Variants in INO80 observed in about 807,000 individuals in gnomAD.
INO80 encodes INO80 complex ATPase subunit, also known as chromatin-remodeling ATPase INO80.
In INO80, 20 loss-of-function variants were observed where a neutral mutation model predicts 203.4. The observed-to-expected ratio is 0.10, with a 90% CI of 0.07 to 0.14. The LOEUF (loss-of-function observed/expected upper bound fraction) is 0.14, where lower values mean the gene tolerates loss of function less well. INO80 is among the 10% of genes least tolerant of loss of function. INO80 has a pLI of 1.00. For synonymous variants in INO80, 726 were observed against 685.2 expected, an observed-to-expected ratio of 1.06 and a Z score of -0.93; for missense variants, 1,419 against 1,914.4, an observed-to-expected ratio of 0.74 and a Z score of 4.83.
At chr15:41,101,610 C>G (rs1052272015) in intron 1 of INO80, among the ~76,000 whole-genome samples, 1 of 149,866 alleles carries the variant, frequency 6.7e-6, no homozygotes, top group Non-Finnish European at 1.5e-5. Flanking sequence ...AGTGCAGTGG[C>G]GAGATCTCTG....
chr15:41,095,560 G>A (rs200347250), intron 4 of INO80, 41 bp downstream of exon 4: 102 of 1,403,342 alleles, frequency 7.3e-5, no homozygotes, highest in Middle Eastern at 4.7e-4. Flanking sequence ...AGTAACTTTA[G>A]TAGACTATCT....
intron 1 of INO80, among the ~76,000 whole-genome samples, chr15:41,101,946 C>T (rs1208327523): frequency 2.6e-5 from 4 of 151,944 alleles, no homozygotes; most frequent in Non-Finnish European, 5.9e-5. Context: ...AATCCCAGCA[C>T]TTTGGGAGGC....
intron 24 of INO80, among the ~76,000 whole-genome samples, chr15:41,031,621 G>A (rs866709710): frequency 4.3e-5 from 3 of 70,558 alleles, no homozygotes; most frequent in African/African-American, 1.2e-4. Flanking sequence ...GAGGAGGGAG[G>A]AAGGGAGGAA....
chr15:41,047,445 C>G lies in INO80; in HGVS notation c.2698G>C (p.Glu900Gln), dbSNP rs750579112. Residue 900 changes from glutamate (E) to glutamine (Q), a missense_variant, in exon 23 of 36, where the codon GAA (glutamate) becomes CAA (glutamine). Around this residue, in one of 9 missense-constraint regions of INO80, gnomAD observed 302 missense variants for 345.4 expected, o/e 0.87. Transcript: ENST00000648947. ...CCCTGAAGCATAAGGTTTGCCATTT[C>G]TGCTGGAGATATATCAATAAAGCGA... Reference protein sequence around the residue: ...FLRFIDISPAEMANLMLQGLL... With the variant: ...FLRFIDISPAQMANLMLQGLL... 1 of 1,613,590 alleles carries G rather than the reference C, an allele frequency of 6.2e-7. No homozygotes were observed.
intron 19 of INO80, among the ~76,000 whole-genome samples, chr15:41,052,674 CAAAAAAA>C (rs60685375): frequency 1.3e-3 from 143 of 107,218 alleles, no homozygotes; most frequent in Middle Eastern, 9.3e-3. Context: ...CCTTGTCTTA[CAAAAAAA>C]AAAAAAAAAA....
At chr15:41,081,299 C>G (rs1566941717) in intron 7 of INO80, among the ~76,000 whole-genome samples, 1 of 152,154 alleles carries the variant, frequency 6.6e-6, no homozygotes, top group African/African-American at 2.4e-5. Context: ...CTTAAATAGT[C>G]TTCTGTATAC....
At chr15:41,045,202 TCTTTCCTA>T (rs1367466580) in intron 23 of INO80, 127 bp from the exon 24 acceptor site, 14 of 686,004 alleles carry the variant, frequency 2.0e-5, no homozygotes, top group African/African-American at 9.1e-5. Flanking sequence ...TAGAAACAGT[TCTTTCCTA>T]CTTTCCTACT....
At chr15:41,059,505 G>A (rs2045062279) in intron 15 of INO80, among the ~76,000 whole-genome samples, 1 of 150,114 alleles carries the variant, frequency 6.7e-6, no homozygotes, top group Non-Finnish European at 1.5e-5. Flanking sequence ...CGAGCCTATA[G>A]TCCCAAAAAT....
chr15:40,983,882 G>C lies in INO80; in HGVS notation c.4117C>G (p.Leu1373Val). 1 of 1,613,574 alleles carries C rather than the reference G, an allele frequency of 6.2e-7. No individual in the cohort carries two copies. Residue 1373 changes from leucine to valine, a missense_variant, in exon 34 of 36, where the codon CTG becomes GTG. Physicochemically the swap from Leu to Val is conservative, Grantham distance 32. Coordinates refer to ENST00000648947, the MANE Select transcript of INO80 (RefSeq NM_017553.3). ...AGCATGTCACTGCTGCTCTCGTCCA[G>C]GGGAATGGAGCCAGTGTGCAGCTCA... The part of the protein sequence containing the change: ...SSELHTGSIP[L>V]DESSSDMLVI...
chr15:41,009,040 C>A (rs1324178425), intron 27 of INO80, among the ~76,000 whole-genome samples: 1 of 152,108 alleles, frequency 6.6e-6, no homozygotes, highest in Non-Finnish European at 1.5e-5. Flanking sequence ...CCATGTTGGT[C>A]GGGCTGATCT....
intron 1 of INO80, among the ~76,000 whole-genome samples, chr15:41,110,289 C>T (rs1043960828): frequency 6.6e-6 from 1 of 151,564 alleles, no homozygotes. Context: ...GGACTACAGG[C>T]ACGTGCCAGC....
At chr15:41,042,491 T>G (rs1051494980) in intron 24 of INO80, among the ~76,000 whole-genome samples, 1 of 152,046 alleles carries the variant, frequency 6.6e-6, no homozygotes, top group Non-Finnish European at 1.5e-5. Flanking sequence ...GTCTTTTTTC[T>G]GAGAGGGAGT....
chr15:41,016,201 T>C lies in INO80; in HGVS notation c.3289A>G (p.Ile1097Val). The change falls in exon 27 of 36, where the codon ATC becomes GTC. Residue 1097 changes from isoleucine to valine, a missense_variant. Around this residue, in one of 9 missense-constraint regions of INO80, gnomAD observed 302 missense variants for 345.4 expected, o/e 0.87. Transcript: ENST00000648947. ...GCATACAGCTTTCCACTGTCAGTGA[T>C]GAGGCTCTCCTTGCCTGGGGAGAAG... Reference protein sequence around the residue: ...FIRIPGKESLITDSGKLYALD... With the variant: ...FIRIPGKESLVTDSGKLYALD... 1 of 1,613,930 alleles carries C rather than the reference T, an allele frequency of 6.2e-7. No individual in the cohort carries two copies. The highest frequency in any genetic ancestry group is 8.5e-7 in the Non-Finnish European group (1 of 1,179,916).
intron 16 of INO80, among the ~76,000 whole-genome samples, chr15:41,057,383 T>C (rs533968948): frequency 6.7e-6 from 1 of 149,830 alleles, no homozygotes; most frequent in African/African-American, 2.5e-5. Flanking sequence ...GACAGGGAGG[T>C]CGAGGCTGCA....
Position 41,055,383 on chromosome 15 carries a change from A to G in INO80, c.2071-19T>C. ...CCCAAAGCTGTAAACAAAGACAAAAATGAAATAGCTATAGAGCAATAAAAT... is the reference window on the plus strand; with the variant it reads ...CCCAAAGCTGTAAACAAAGACAAAAGTGAAATAGCTATAGAGCAATAAAAT... On this transcript the variant is annotated intron_variant, in intron 17 of 35. Transcript: ENST00000648947. 10 of 1,506,870 alleles carry G rather than the reference A, an allele frequency of 6.6e-6. No individual in the cohort carries two copies. The highest frequency in any genetic ancestry group is 9.2e-6 in the Non-Finnish European group (10 of 1,088,232). 93.3% of individuals were successfully genotyped at this position (1,506,870 alleles called of 1,614,324 possible). A position where few individuals can be genotyped will look rare whatever the true frequency, so the allele number is the denominator to read the frequency against.
intron 33 of INO80, 128 bp from the exon 34 acceptor site, chr15:40,984,049 G>C: frequency 7.4e-7 from 1 of 1,352,740 alleles, no homozygotes; most frequent in Non-Finnish European, 1.0e-6. Context: ...GTCCTCATTT[G>C]TTTTTCTCCT....
At chr15:41,083,060 A>C (rs1417661043) in intron 7 of INO80, among the ~76,000 whole-genome samples, 1 of 152,022 alleles carries the variant, frequency 6.6e-6, no homozygotes, top group African/African-American at 2.4e-5. Flanking sequence ...AGGCGCACAG[A>C]TCATGAGGTC....
chr15:41,061,363 T>A (rs2045103244), intron 14 of INO80, among the ~76,000 whole-genome samples: 2 of 149,502 alleles, frequency 1.3e-5, no homozygotes, highest in Admixed American at 6.7e-5. Flanking sequence ...TCCTAGCACT[T>A]TGCAAGGCCA....
chr15:41,089,458 T>G (rs890101622), intron 5 of INO80, among the ~76,000 whole-genome samples: 4 of 152,072 alleles, frequency 2.6e-5, no homozygotes, highest in African/African-American at 7.2e-5. Context: ...CTTGTAGAAA[T>G]AGTCAGAAGG....
Sources: gnomAD v4.1 joint callset for allele counts (sites outside exome capture counted in the v4.1 genomes callset) on GRCh38, gnomAD v4.1.1 for gene constraint, gnomAD v4.1.1 regional missense constraint, MANE v1.5 for transcripts, NCBI Gene and HGNC (gene_info 2026-07-23, HGNC 2026-07-21) for gene names.